SLC35F1: variants seen among roughly 807,000 people sequenced by gnomAD.
SLC35F1 encodes the protein solute carrier family 35 member F1.
SLC35F1 carries 14 observed loss-of-function variants against 48.7 expected under a neutral mutation model. That is an observed-to-expected ratio of 0.29 (90% CI 0.19 to 0.45). The LOEUF is 0.45. SLC35F1 is among the 20% of genes least tolerant of loss of function. The probability of loss-of-function intolerance (pLI) is 1.00; values close to 1 mark genes in which losing one functional copy is unlikely to be tolerated. For missense variants in SLC35F1, 404 were observed against 500.0 expected, an observed-to-expected ratio of 0.81 and a Z score of 1.83; for synonymous variants, 190 against 202.2, an observed-to-expected ratio of 0.94 and a Z score of 0.51.
At chr6:118,217,042 GA>G (rs1346906873) in intron 2 of SLC35F1, among the ~76,000 whole-genome samples, 2 of 150,374 alleles carry the variant, frequency 1.3e-5, no homozygotes, top group African/African-American at 4.9e-5. Flanking sequence ...CAAAACAACA[GA>G]AAAAAAAAGT....
chr6:118,167,347 G>T (rs1295748247), intron 2 of SLC35F1, among the ~76,000 whole-genome samples: 1 of 152,042 alleles, frequency 6.6e-6, no homozygotes, highest in Non-Finnish European at 1.5e-5. Context: ...GCGTCTTTAG[G>T]TGATTTCGTC....
chr6:118,271,766 C>T (rs1401596138), intron 4 of SLC35F1, among the ~76,000 whole-genome samples: 1 of 152,152 alleles, frequency 6.6e-6, no homozygotes, highest in Non-Finnish European at 1.5e-5. Context: ...TGATTGGAAT[C>T]AAGGAGCAAT....
chr6:118,161,301 C>CAA lies in SLC35F1; in HGVS notation c.349+6693_349+6694dup, dbSNP rs796961330. Among the ~76,000 whole-genome samples, 11 of 130,946 alleles carry CAA rather than the reference C, an allele frequency of 8.4e-5. 1 individual carries two copies. Among genetic ancestry groups the CAA allele is most frequent in the East Asian group, 2.2e-4 (1 of 4,548 alleles). 85.9% of individuals were successfully genotyped at this position (130,946 alleles called of 152,430 possible). A position where few individuals can be genotyped will look rare whatever the true frequency, so the allele number is the denominator to read the frequency against. ...TTCTTTAATGCTTCCCATAGGCAGT[C>CAA]AAAAAAAAAAAAAGCAGTGAAAGAA... On this transcript the variant is annotated intron_variant, in intron 2 of 7. Transcript: ENST00000360388.
At chr6:118,302,571 T>C (rs1364723268) in intron 7 of SLC35F1, among the ~76,000 whole-genome samples, 1 of 152,180 alleles carries the variant, frequency 6.6e-6, no homozygotes, top group Non-Finnish European at 1.5e-5. Context: ...GTTATGAATA[T>C]ATTGGTTCAT....
intron 5 of SLC35F1, among the ~76,000 whole-genome samples, chr6:118,276,886 G>A (rs566148528): frequency 1.3e-5 from 2 of 152,270 alleles, no homozygotes; most frequent in Non-Finnish European, 2.9e-5. Context: ...TCAAAGTAAT[G>A]CTGGTGGAGT....
intron 1 of SLC35F1, among the ~76,000 whole-genome samples, chr6:118,003,162 G>A (rs2114869550): frequency 6.6e-6 from 1 of 152,282 alleles, no homozygotes; most frequent in African/African-American, 2.4e-5. Flanking sequence ...GAAATCTCAG[G>A]ATAAAATAGT....
chr6:118,041,622 A>T lies in SLC35F1; in HGVS notation c.174-112823A>T, dbSNP rs115920169. Reference sequence around the variant, plus strand: ...ACAAAGGAATAAAGCAGGTTTTCTAATCAAGAGGGTGGGTTGAAGGTGCAT... The same window carrying T: ...ACAAAGGAATAAAGCAGGTTTTCTATTCAAGAGGGTGGGTTGAAGGTGCAT... On this transcript the variant is annotated intron_variant, in intron 1 of 7. Coordinates refer to ENST00000360388, the MANE Select transcript of SLC35F1 (RefSeq NM_001029858.4). Among the ~76,000 whole-genome samples, 1,019 of 152,330 alleles carry T rather than the reference A, an allele frequency of 6.7e-3. 16 individuals are homozygous for T. Among genetic ancestry groups the T allele is most frequent in the African/African-American group, 0.023 (939 of 41,574 alleles).
chr6:118,140,373 G>T (rs1270805824), intron 1 of SLC35F1, among the ~76,000 whole-genome samples: 5 of 152,150 alleles, frequency 3.3e-5, no homozygotes, highest in African/African-American at 1.2e-4. Flanking sequence ...TAGAGACGTT[G>T]TAGACTTCAT....
chr6:118,178,234 C>T (rs572904402), intron 2 of SLC35F1, among the ~76,000 whole-genome samples: 1 of 152,106 alleles, frequency 6.6e-6, no homozygotes, highest in Admixed American at 6.6e-5. Context: ...TCTTCTGTCC[C>T]TCTCACCTTC....
In SLC35F1 at chr6:118,314,067, A is replaced by G. The variant is rs142091415; in HGVS notation, c.1042A>G (p.Ile348Val). 1 of 1,613,896 alleles carries G rather than the reference A, an allele frequency of 6.2e-7. No individual in the cohort carries two copies. Among genetic ancestry groups the G allele is most frequent in the East Asian group, 2.2e-5 (1 of 44,856 alleles). The change falls in exon 8 of 8, where the codon ATT (isoleucine) becomes GTT (valine). Residue 348 changes from isoleucine to valine, a missense_variant. By Grantham distance (29) the Ile-to-Val change is conservative. Coordinates refer to ENST00000360388, the MANE Select transcript of SLC35F1 (RefSeq NM_001029858.4). ...TCTCCTGTCTTTCTTCACCATCCTC[A>G]TTGGGCTGGTGCTCTACTCCTCCAC... ...LYLLSFFTIL[I>V]GLVLYSSTST...
intron 1 of SLC35F1, among the ~76,000 whole-genome samples, chr6:117,991,588 C>T (rs998329166): frequency 6.6e-6 from 1 of 152,120 alleles, no homozygotes; most frequent in Non-Finnish European, 1.5e-5. Context: ...CCAGTCTCCA[C>T]GTGTTTCTAG....
At chr6:118,201,260 A>G (rs1202793095) in intron 2 of SLC35F1, among the ~76,000 whole-genome samples, 2 of 152,146 alleles carry the variant, frequency 1.3e-5, no homozygotes, top group Admixed American at 6.5e-5. Context: ...TTTGCCAAAG[A>G]TCAGGTACAC....
At chr6:118,247,447 T>C (rs1206956484) in intron 3 of SLC35F1, among the ~76,000 whole-genome samples, 3 of 152,226 alleles carry the variant, frequency 2.0e-5, no homozygotes, top group Non-Finnish European at 4.4e-5. Context: ...GTATCCTACT[T>C]GGAATCATGT....
rs11754190 is a variant in SLC35F1 at position 118,119,494 on chromosome 6, G to A, written c.174-34951G>A. Among the ~76,000 whole-genome samples the A allele has an allele frequency of 1.7e-4, 9 of 52,222 alleles. 1 individual carries two copies. The South Asian group carries it at 2.3e-3, about 13-fold the overall frequency. The allele number at this position is 52,222 out of a possible 152,430, so 34.3% of individuals were successfully genotyped here. The stretch of plus-strand genomic sequence containing the variant: ...TTTACATGATGCAGTAATAACCGGC[G>A]CCCCCCCTCCACCCCGCTTTTTTTT... On this transcript the variant is annotated intron_variant, in intron 1 of 7. Coordinates refer to ENST00000360388, the MANE Select transcript of SLC35F1 (RefSeq NM_001029858.4).
rs190915581 is a variant in SLC35F1 at position 118,113,081 on chromosome 6, A to T, written c.174-41364A>T. On this transcript the variant is annotated intron_variant, in intron 1 of 7. Coordinates refer to ENST00000360388, the MANE Select transcript of SLC35F1 (RefSeq NM_001029858.4). The stretch of plus-strand genomic sequence containing the variant: ...TGGACTTTGGATGACATTTAAAAAA[A>T]TTTTTAATGTATTTTTATTTATTTC... Among the ~76,000 whole-genome samples, 1,222 of 152,218 alleles carry T rather than the reference A, an allele frequency of 8.0e-3. 6 individuals are homozygous for T. The highest frequency in any genetic ancestry group is 0.013 in the Non-Finnish European group (856 of 67,988).
chr6:118,089,800 G>GT (rs1207958554), intron 1 of SLC35F1, among the ~76,000 whole-genome samples: 1 of 152,158 alleles, frequency 6.6e-6, no homozygotes, highest in Non-Finnish European at 1.5e-5. Flanking sequence ...GTTAATAGCA[G>GT]TCCCCAGATA....
chr6:117,966,493 A>G (rs1776573148), intron 1 of SLC35F1, among the ~76,000 whole-genome samples: 1 of 152,166 alleles, frequency 6.6e-6, no homozygotes, highest in African/African-American at 2.4e-5. Context: ...ACTCACTGTG[A>G]AGGTCTGCAG....
intron 1 of SLC35F1, among the ~76,000 whole-genome samples, chr6:117,994,612 T>C (rs1294509827): frequency 6.6e-6 from 1 of 152,198 alleles, no homozygotes; most frequent in East Asian, 1.9e-4. Context: ...GGGCAAGGTA[T>C]ATTTTCAAAG....
chr6:118,291,023 G>A (rs929974426), intron 7 of SLC35F1, among the ~76,000 whole-genome samples: 2 of 152,116 alleles, frequency 1.3e-5, no homozygotes, highest in East Asian at 3.9e-4. Flanking sequence ...TCGACCTCCT[G>A]ACCTCATGAT....
Sources: allele counts gnomAD v4.1 joint callset (sites outside exome capture counted in the v4.1 genomes callset), GRCh38; gene constraint gnomAD v4.1.1; transcripts MANE v1.5; gene names NCBI Gene and HGNC (gene_info 2026-07-23, HGNC 2026-07-21).